Variants in DMD observed in about 807,000 individuals in gnomAD.
DMD encodes the protein mutant dystrophin.
Under a neutral mutation model 330.1 loss-of-function variants are expected in DMD, and 63 were observed. That is an observed-to-expected ratio of 0.19 (90% confidence interval 0.16 to 0.24). DMD has a LOEUF of 0.24. Ranked by LOEUF, DMD falls within the 10% of genes least tolerant of loss-of-function variation. The pLI, the probability that DMD is intolerant of heterozygous loss-of-function variation, is 1.00. For synonymous variants in DMD, 1,223 were observed against 959.8 expected (o/e 1.27, Z -5.07); for missense variants, 3,344 against 2,684.1 (o/e 1.25, Z -5.43).
At chrX:33,037,876 G>A (rs1602981751) in intron 1 of DMD, among the ~76,000 whole-genome samples, 1 of 111,999 alleles carries the variant, frequency 8.9e-6, no homozygotes, top group Non-Finnish European at 1.9e-5. Flanking sequence ...GTTACTAATT[G>A]CAGAAACCAT....
At chrX:32,788,682 G>T (rs765895196) in intron 7 of DMD, among the ~76,000 whole-genome samples, 18 of 111,073 alleles carry the variant, frequency 1.6e-4, no homozygotes, top group Non-Finnish European at 1.7e-4. Flanking sequence ...ACTAACCCTG[G>T]ATAAATGGTA....
intron 44 of DMD, chrX:32,155,405 C>T (rs1196052780): frequency 1.3e-6 from 1 of 752,601 alleles, no homozygotes; most frequent in East Asian, 1.5e-4. Context: ...TTTCGGTCCC[C>T]ACGGATGCTT....
chrX:32,174,725 G>A (rs1278306297), intron 44 of DMD, among the ~76,000 whole-genome samples: 1 of 110,105 alleles, frequency 9.1e-6, no homozygotes, highest in East Asian at 2.8e-4. Flanking sequence ...TATTTTCAAA[G>A]TAAAATTACT....
chrX:32,230,225 G>T (rs779278731), intron 43 of DMD, among the ~76,000 whole-genome samples: 28 of 109,795 alleles, frequency 2.6e-4, no homozygotes, highest in African/African-American at 7.9e-4. Flanking sequence ...AAGAAACATG[G>T]TTTTTTTTGT....
At chrX:32,814,840 C>A (rs1208950995) in intron 6 of DMD, among the ~76,000 whole-genome samples, 1 of 111,161 alleles carries the variant, frequency 9.0e-6, no homozygotes, top group Non-Finnish European at 1.9e-5. Context: ...AAGGGAAAAA[C>A]GTTAGAGAGC....
rs536931887 is a variant in DMD at position 31,696,268 on chromosome X, C to T, written c.7661-16682G>A. Among the ~76,000 whole-genome samples the T allele has an allele frequency of 1.6e-3, 178 of 111,431 alleles. 3 individuals are homozygous for T. The highest frequency in any genetic ancestry group is 5.5e-3 in the African/African-American group (168 of 30,748). On this transcript the variant is annotated intron_variant, in intron 52 of 78. Transcript: ENST00000357033. ...TCATCTATATCAACATGTGTAAATACACTGTGGTATCAATAGAATATTATT... is the reference window on the plus strand; with the variant it reads ...TCATCTATATCAACATGTGTAAATATACTGTGGTATCAATAGAATATTATT...
intron 16 of DMD, among the ~76,000 whole-genome samples, chrX:32,552,528 A>G (rs1220890230): frequency 8.9e-6 from 1 of 111,916 alleles, no homozygotes; most frequent in Non-Finnish European, 1.9e-5. Flanking sequence ...ACTTCATAAC[A>G]AAGACACCAA....
chrX:33,260,713 C>T (rs2052939730), intron 1 of DMD, among the ~76,000 whole-genome samples: 1 of 111,474 alleles, frequency 9.0e-6, no homozygotes, highest in African/African-American at 3.2e-5. Flanking sequence ...TTTACTATTA[C>T]ACATTCTTAT....
At chrX:32,620,224 A>G (rs2057888441) in intron 11 of DMD, among the ~76,000 whole-genome samples, 1 of 112,092 alleles carries the variant, frequency 8.9e-6, no homozygotes, top group African/African-American at 3.2e-5. Flanking sequence ...CTCATACACT[A>G]ATGCCAGGCT....
At chrX:32,707,189 G>A (rs968289008) in intron 7 of DMD, among the ~76,000 whole-genome samples, 2 of 112,111 alleles carry the variant, frequency 1.8e-5, no homozygotes, top group Non-Finnish European at 3.8e-5. Flanking sequence ...CTATATTTTA[G>A]ACTTTAATAA....
At chrX:31,472,132 C>T (rs2067344819) in intron 59 of DMD, among the ~76,000 whole-genome samples, 1 of 112,384 alleles carries the variant, frequency 8.9e-6, no homozygotes, top group African/African-American at 3.2e-5. Flanking sequence ...AGTTCTTTAA[C>T]AATGCACAAA....
At chrX:31,300,572 C>A (rs2054570084) in intron 62 of DMD, among the ~76,000 whole-genome samples, 1 of 111,356 alleles carries the variant, frequency 9.0e-6, no homozygotes, top group Admixed American at 9.6e-5. Context: ...AGAGTATCTT[C>A]GTATTTAGGT....
intron 54 of DMD, among the ~76,000 whole-genome samples, chrX:31,657,667 T>A (rs1201758117): frequency 8.9e-6 from 1 of 112,241 alleles, no homozygotes; most frequent in Non-Finnish European, 1.9e-5. Flanking sequence ...TGCGCCATGA[T>A]GAGATAGAAA....
intron 11 of DMD, among the ~76,000 whole-genome samples, chrX:32,624,281 G>C (rs2058196850): frequency 9.0e-6 from 1 of 111,691 alleles, no homozygotes; most frequent in South Asian, 3.7e-4. Context: ...AGTGGAATTA[G>C]AATAAAGTAG....
intron 40 of DMD, chrX:32,342,665 T>A (rs113322009): frequency 5.9e-4 from 155 of 261,002 alleles, no homozygotes; most frequent in African/African-American, 3.8e-3. Flanking sequence ...TTTTTAAAGG[T>A]TTGAGGAACT....
intron 60 of DMD, among the ~76,000 whole-genome samples, chrX:31,428,097 G>A (rs970737562): frequency 8.9e-6 from 1 of 111,976 alleles, no homozygotes; most frequent in Non-Finnish European, 1.9e-5. Flanking sequence ...GCTGCAGGTT[G>A]TAGAAAACTG....
intron 11 of DMD, among the ~76,000 whole-genome samples, chrX:32,623,285 G>A (rs967715871): frequency 9.0e-6 from 1 of 111,535 alleles, no homozygotes; most frequent in Non-Finnish European, 1.9e-5. Flanking sequence ...CCATTGCAAG[G>A]CTGAACCAGA....
intron 41 of DMD, among the ~76,000 whole-genome samples, chrX:32,325,312 G>T (rs959798075): frequency 1.8e-5 from 2 of 111,167 alleles, no homozygotes; most frequent in African/African-American, 6.5e-5. Flanking sequence ...AAGTAATACT[G>T]CAATACATTT....
chrX:32,411,797 A>G lies in DMD; in HGVS notation c.4188T>C (p.Tyr1396=), dbSNP rs1443281662. ...LTFIDKQLAA[Y]IADKVDAAQM... Reference sequence around the variant, plus strand: ...GAGCTGCGTCCACCTTGTCTGCAATATAAGCTGCCAACTGCTTGTCAATGA... The same window carrying G: ...GAGCTGCGTCCACCTTGTCTGCAATGTAAGCTGCCAACTGCTTGTCAATGA... Residue 1396 remains tyrosine (Y), a synonymous_variant, in exon 30 of 79, where the codon TAT becomes TAC. Coordinates refer to ENST00000357033, the MANE Select transcript of DMD (RefSeq NM_004006.3). 2.5e-6 allele frequency: 3 copies of G among 1,211,502 alleles called. No homozygotes were observed. Among genetic ancestry groups the G allele is most frequent in the East Asian group, 3.0e-5 (1 of 33,786 alleles).
Sources: allele counts gnomAD v4.1 joint callset (sites outside exome capture counted in the v4.1 genomes callset), GRCh38; gene constraint gnomAD v4.1.1; transcripts MANE v1.5; gene names NCBI Gene and HGNC (gene_info 2026-07-23, HGNC 2026-07-21).